The following GPM6A variants were observed in gnomAD, a reference collection of about 807,000 sequenced individuals.
GPM6A encodes the protein glycoprotein M6A, also known as neuronal membrane glycoprotein M6-a.
GPM6A carries 7 observed loss-of-function variants against 32.1 expected under a neutral mutation model. The observed-to-expected ratio is 0.22, with a 90% confidence interval of 0.12 to 0.41. The LOEUF (loss-of-function observed/expected upper bound fraction) is 0.41. GPM6A is among the 10% of genes least tolerant of loss of function. The probability of loss-of-function intolerance (pLI) is 1.00; values close to 1 mark genes in which losing one functional copy is unlikely to be tolerated. For synonymous variants in GPM6A, 130 were observed against 123.4 expected, an observed-to-expected ratio of 1.05 and a Z score of -0.35; for missense variants, 235 against 347.2, an observed-to-expected ratio of 0.68 and a Z score of 2.57.
At chr4:175,728,710 C>T (rs72702653) in intron 1 of GPM6A, among the ~76,000 whole-genome samples, 6,452 of 152,280 alleles carry the variant, frequency 0.042, 196 homozygotes, top group South Asian at 0.13. Flanking sequence ...GAAACTTAGG[C>T]TGAAAGCTGT....
chr4:175,962,457 C>G (rs138139809), intron 1 of GPM6A: 1 of 657,786 alleles, frequency 1.5e-6, no homozygotes, highest in Non-Finnish European at 2.9e-6. Context: ...AATAAGGCAA[C>G]CTTTTTTGCT....
At chr4:175,892,936 A>G (rs2111478878) in intron 1 of GPM6A, among the ~76,000 whole-genome samples, 1 of 152,230 alleles carries the variant, frequency 6.6e-6, no homozygotes, top group Middle Eastern at 3.4e-3. Flanking sequence ...CACTCTGTTG[A>G]TGTCTCCTCT....
intron 1 of GPM6A, among the ~76,000 whole-genome samples, chr4:175,935,659 A>T (rs1335815573): frequency 4.6e-5 from 7 of 152,204 alleles, no homozygotes; most frequent in Non-Finnish European, 8.8e-5. Flanking sequence ...GAATAAAATG[A>T]TTTGAATAAA....
chr4:175,638,702 C>A (rs1037917862), intron 6 of GPM6A, among the ~76,000 whole-genome samples: 2 of 151,920 alleles, frequency 1.3e-5, no homozygotes, highest in African/African-American at 4.8e-5. Context: ...TTATTATAGT[C>A]CACTTTTTAA....
chr4:175,799,022 C>A (rs943153552), intron 1 of GPM6A, among the ~76,000 whole-genome samples: 2 of 152,204 alleles, frequency 1.3e-5, no homozygotes, highest in African/African-American at 4.8e-5. Flanking sequence ...ATTTCAGTGG[C>A]TTGATACGTA....
At chr4:175,706,900 A>G (rs1745224019) in intron 1 of GPM6A, among the ~76,000 whole-genome samples, 1 of 152,230 alleles carries the variant, frequency 6.6e-6, no homozygotes, top group African/African-American at 2.4e-5. Flanking sequence ...ACCTCTGGTC[A>G]TCCTCATGGG....
At chr4:175,732,535 A>G (rs1252114174) in intron 1 of GPM6A, among the ~76,000 whole-genome samples, 1 of 152,190 alleles carries the variant, frequency 6.6e-6, no homozygotes, top group Non-Finnish European at 1.5e-5. Context: ...GGGATTTTGG[A>G]AGACTAATAT....
chr4:175,759,648 T>A (rs868270968), intron 1 of GPM6A, among the ~76,000 whole-genome samples: 5 of 152,172 alleles, frequency 3.3e-5, no homozygotes, highest in Non-Finnish European at 7.3e-5. Context: ...ATGGTGGTTA[T>A]CCCAGAAATG....
At chr4:175,860,516 A>G (rs536285209) in intron 1 of GPM6A, among the ~76,000 whole-genome samples, 2 of 152,330 alleles carry the variant, frequency 1.3e-5, no homozygotes, top group Non-Finnish European at 2.9e-5. Context: ...GGCAATCTGA[A>G]TAGCACTATA....
intron 1 of GPM6A, among the ~76,000 whole-genome samples, chr4:175,924,018 A>G (rs919150927): frequency 1.3e-5 from 2 of 152,130 alleles, no homozygotes; most frequent in Admixed American, 6.5e-5. Context: ...TGTCCTAGGT[A>G]TTTCCTTTCA....
intron 1 of GPM6A, among the ~76,000 whole-genome samples, chr4:175,798,390 T>C (rs944057936): frequency 3.9e-5 from 6 of 152,232 alleles, no homozygotes; most frequent in African/African-American, 1.4e-4. Flanking sequence ...AAGAAAACTC[T>C]GTTTATGACA....
intron 1 of GPM6A, among the ~76,000 whole-genome samples, chr4:175,877,100 A>C (rs1425923244): frequency 6.6e-6 from 1 of 152,194 alleles, no homozygotes; most frequent in African/African-American, 2.4e-5. Flanking sequence ...TGAAAGTCAG[A>C]GGATGTCCAG....
chr4:175,649,149 T>A (rs1036175665), intron 4 of GPM6A, among the ~76,000 whole-genome samples: 1 of 152,176 alleles, frequency 6.6e-6, no homozygotes, highest in African/African-American at 2.4e-5. Context: ...CCCTGGAAAA[T>A]TATTTCATTT....
chr4:175,953,725 C>A (rs1739893842), intron 1 of GPM6A, among the ~76,000 whole-genome samples: 1 of 152,000 alleles, frequency 6.6e-6, no homozygotes, highest in Non-Finnish European at 1.5e-5. Flanking sequence ...CATGGAGAAA[C>A]CCCGTCTCTA....
At chr4:175,996,375 C>T (rs1741308437) in intron 1 of GPM6A, among the ~76,000 whole-genome samples, 1 of 152,134 alleles carries the variant, frequency 6.6e-6, no homozygotes, top group African/African-American at 2.4e-5. Context: ...CTTTGTAAAG[C>T]TAACACATTC....
intron 1 of GPM6A, among the ~76,000 whole-genome samples, chr4:175,721,148 A>AATATATATAT (rs3032644): frequency 0.032 from 4,287 of 135,116 alleles, 126 homozygotes; most frequent in Non-Finnish European, 0.048. Flanking sequence ...TATATATTCT[A>AATATATATAT]ATATATATAT....
At chr4:175,655,608 C>T (rs1742036596) in intron 3 of GPM6A, among the ~76,000 whole-genome samples, 1 of 151,758 alleles carries the variant, frequency 6.6e-6, no homozygotes, top group African/African-American at 2.4e-5. Context: ...TTTTAAAAAC[C>T]ATTTTTGTAT....
chr4:175,947,835 T>C (rs1323816366), intron 1 of GPM6A: 1 of 152,212 alleles, frequency 6.6e-6, no homozygotes, highest in Non-Finnish European at 1.5e-5. Context: ...AAAGAAAATA[T>C]GAAAATATTG....
intron 1 of GPM6A, among the ~76,000 whole-genome samples, chr4:175,801,891 T>C (rs1228082264): frequency 6.6e-6 from 1 of 152,104 alleles, no homozygotes; most frequent in Non-Finnish European, 1.5e-5. Flanking sequence ...TTTTTGATAT[T>C]TATGTAAAAT....
Sources: allele counts gnomAD v4.1 joint callset (sites outside exome capture counted in the v4.1 genomes callset), GRCh38; gene constraint gnomAD v4.1.1; transcripts MANE v1.5; gene names NCBI Gene and HGNC (gene_info 2026-07-23, HGNC 2026-07-21).